COL6A6: variants seen among roughly 807,000 people sequenced by gnomAD.
COL6A6 encodes the protein collagen type VI alpha 6 chain.
COL6A6 carries 183 observed loss-of-function variants against 208.6 expected under a neutral mutation model. The observed-to-expected ratio is 0.88, with a 90% CI of 0.78 to 0.99. The LOEUF (loss-of-function observed/expected upper bound fraction) is 0.99. Ranked by LOEUF, COL6A6 falls within the 50% of genes least tolerant of loss-of-function variation. COL6A6 has a pLI of 0.00. For synonymous variants in COL6A6, 973 were observed against 1,011.8 expected, an observed-to-expected ratio of 0.96 and a Z score of 0.73; for missense variants, 2,816 against 2,815.2, an observed-to-expected ratio of 1.00 and a Z score of -0.01.
rs72996219 is a variant in COL6A6, at chr3:130,605,439, A to G, written c.4654-1492A>G. The stretch of plus-strand genomic sequence containing the variant: ...CCATCTAGTGTGTTTCGTGGGTAGT[A>G]TATTTTTCAAATGAAAATATCTATT... On this transcript the variant is annotated intron_variant, in intron 20 of 36. Coordinates refer to ENST00000358511, the MANE Select transcript of COL6A6 (RefSeq NM_001102608.3). Among the ~76,000 whole-genome samples, 1,019 of 151,802 alleles carry G rather than the reference A, an allele frequency of 6.7e-3. 7 individuals carry two copies. Among genetic ancestry groups the G allele is most frequent in the African/African-American group, 0.023 (961 of 41,326 alleles).
In COL6A6 at chr3:130,650,285, A is replaced by AG. The variant is rs900608013; in HGVS notation, c.5733+731dup. Among the ~76,000 whole-genome samples the AG allele has an allele frequency of 4.9e-4, 74 of 151,902 alleles. 1 individual carries two copies. The highest frequency in any genetic ancestry group is 7.9e-4 in the Admixed American group (12 of 15,244). The stretch of plus-strand genomic sequence containing the variant: ...TCTGTTCTCCATGTGGAGACCGTGA[A>AG]GGGGGGGGCCAGGGAGCAGCAAAGA... On this transcript the variant is annotated intron_variant, in intron 33 of 36. Transcript: ENST00000358511.
chr3:130,590,562 T>C (rs945836726), intron 12 of COL6A6, among the ~76,000 whole-genome samples: 1 of 147,216 alleles, frequency 6.8e-6, no homozygotes, highest in Admixed American at 6.8e-5. Flanking sequence ...CATGCGGTGT[T>C]TGGTTTTTTT....
chr3:130,642,774 C>G, intron 29 of COL6A6, 58 bp from the exon 30 acceptor site: 1 of 1,481,140 alleles, frequency 6.8e-7, no homozygotes, highest in South Asian at 1.2e-5. Flanking sequence ...TTGGTGCACA[C>G]TGGCTACTGA....
At chr3:130,635,568 C>T in intron 27 of COL6A6, 131 bp from the exon 28 acceptor site, 2 of 633,924 alleles carry the variant, frequency 3.2e-6, no homozygotes, top group Non-Finnish European at 2.8e-6. Flanking sequence ...CACACTCACA[C>T]TCTTCAAAGA....
chr3:130,614,360 T>C (rs768007490), intron 23 of COL6A6, among the ~76,000 whole-genome samples: 5 of 152,160 alleles, frequency 3.3e-5, no homozygotes, highest in Non-Finnish European at 7.4e-5. Flanking sequence ...AGATAAGGCC[T>C]ACTTGATTGT....
chr3:130,619,955 G>A (rs1361703515), intron 23 of COL6A6, among the ~76,000 whole-genome samples: 2 of 152,012 alleles, frequency 1.3e-5, no homozygotes, highest in African/African-American at 4.8e-5. Flanking sequence ...TATTTTTTTA[G>A]ACAGAGTCTC....
intron 20 of COL6A6, among the ~76,000 whole-genome samples, chr3:130,604,268 CG>C (rs1354515721): frequency 6.6e-6 from 1 of 151,760 alleles, no homozygotes; most frequent in African/African-American, 2.4e-5. Context: ...CTCAGGCGGG[CG>C]GATCATGAGG....
chr3:130,594,752 A>G (rs1363925807), intron 18 of COL6A6, among the ~76,000 whole-genome samples: 5 of 152,200 alleles, frequency 3.3e-5, no homozygotes, highest in Non-Finnish European at 5.9e-5. Context: ...TGGGTAATTT[A>G]TAGAGGAAAG....
chr3:130,529,239 AG>A (rs927814593), intron 1 of COL6A6, among the ~76,000 whole-genome samples: 2 of 151,278 alleles, frequency 1.3e-5, no homozygotes, highest in African/African-American at 4.9e-5. Context: ...CTTTCAATGA[AG>A]GGGGGAAAAA....
chr3:130,654,767 C>T (rs1559792723), intron 33 of COL6A6, among the ~76,000 whole-genome samples: 2 of 152,176 alleles, frequency 1.3e-5, no homozygotes, highest in Non-Finnish European at 2.9e-5. Flanking sequence ...TAATGCAGAG[C>T]CAGCTGAACA....
At chr3:130,527,890 C>CTTTTTTTTTTTTTTTT (rs56110472) in intron 1 of COL6A6, among the ~76,000 whole-genome samples, 10 of 57,810 alleles carry the variant, frequency 1.7e-4, no homozygotes, top group Non-Finnish European at 2.1e-4. Flanking sequence ...GTTACTTTTC[C>CTTTTTTTTTTTTTTTT]TTTTTTTTTT....
chr3:130,580,131 A>G (rs1008267580), intron 8 of COL6A6, among the ~76,000 whole-genome samples: 23 of 152,300 alleles, frequency 1.5e-4, no homozygotes, highest in African/African-American at 5.5e-4. Flanking sequence ...AGACATTATC[A>G]TATCTTGGTT....
chr3:130,676,549 A>G lies in COL6A6; in HGVS notation c.*1152A>G, dbSNP rs2066362598. On this transcript the variant is annotated 3_prime_UTR_variant, in exon 37 of 37. Coordinates refer to ENST00000358511, the MANE Select transcript of COL6A6 (RefSeq NM_001102608.3). ...GTTGGTAGCAATGGCCCTGTTAGGCAGACTGTCCCCCTCTTTGGGAATGGA... is the reference window on the plus strand; with the variant it reads ...GTTGGTAGCAATGGCCCTGTTAGGCGGACTGTCCCCCTCTTTGGGAATGGA... The G allele has an allele frequency of 6.6e-6, 1 of 152,274 alleles. No individual in the cohort carries two copies. Among genetic ancestry groups the G allele is most frequent in the African/African-American group, 2.4e-5 (1 of 41,476 alleles). 9.4% of individuals were successfully genotyped at this position (152,274 alleles called of 1,614,324 possible). A position where few individuals can be genotyped will look rare whatever the true frequency, so the allele number is the denominator to read the frequency against.
intron 20 of COL6A6, among the ~76,000 whole-genome samples, chr3:130,601,913 C>A (rs1361311955): frequency 6.6e-6 from 1 of 152,162 alleles, no homozygotes; most frequent in Non-Finnish European, 1.5e-5. Context: ...CAAGTGTGAC[C>A]TCATGCAGGG....
At chr3:130,628,691 G>A (rs1392912653) in intron 26 of COL6A6, among the ~76,000 whole-genome samples, 1 of 152,144 alleles carries the variant, frequency 6.6e-6, no homozygotes, top group Non-Finnish European at 1.5e-5. Flanking sequence ...CTCTCCATAG[G>A]CTTTCCAAAT....
chr3:130,622,388 T>G (rs1368520438), intron 24 of COL6A6, among the ~76,000 whole-genome samples: 2 of 152,096 alleles, frequency 1.3e-5, no homozygotes, highest in Admixed American at 1.3e-4. Context: ...AATATGTGAT[T>G]AGTAAATATT....
intron 8 of COL6A6, among the ~76,000 whole-genome samples, chr3:130,578,946 G>A (rs888023879): frequency 2.0e-5 from 3 of 152,164 alleles, no homozygotes; most frequent in African/African-American, 4.8e-5. Context: ...AAATGTCTAC[G>A]CCTTGGGAAA....
chr3:130,571,853 T>TG (rs1416279602), intron 7 of COL6A6, among the ~76,000 whole-genome samples: 4 of 148,888 alleles, frequency 2.7e-5, no homozygotes, highest in Non-Finnish European at 6.0e-5. Flanking sequence ...TTTTTTTTTT[T>TG]TTTTTTTTTT....
intron 23 of COL6A6, among the ~76,000 whole-genome samples, chr3:130,611,248 A>G (rs2064349970): frequency 6.6e-6 from 1 of 151,966 alleles, no homozygotes; most frequent in African/African-American, 2.4e-5. Flanking sequence ...GTGCAGAAGA[A>G]TCCCCTAGAG....
Sources: gnomAD v4.1 joint callset for allele counts (sites outside exome capture counted in the v4.1 genomes callset) on GRCh38, gnomAD v4.1.1 for gene constraint, MANE v1.5 for transcripts, NCBI Gene and HGNC (gene_info 2026-07-23, HGNC 2026-07-21) for gene names.